Variants in HPCAL4 observed in about 807,000 individuals in gnomAD.
HPCAL4 encodes hippocalcin like 4.
Under a neutral mutation model 18.2 loss-of-function variants are expected in HPCAL4, and 16 were observed. The ratio of observed to expected loss-of-function variants is 0.88; its 90% CI spans 0.59 to 1.33. The LOEUF (loss-of-function observed/expected upper bound fraction) is 1.33. HPCAL4 is among the 40% of genes most tolerant of loss of function. The pLI is 0.00. For synonymous variants in HPCAL4, 80 were observed against 97.5 expected (o/e 0.82, Z 1.06); for missense variants, 214 against 256.6 (o/e 0.83, Z 1.14).
chr1:39,682,771 A>C (rs534898516), intron 3 of HPCAL4, 38 bp from the exon 4 acceptor site: 1 of 1,584,176 alleles, frequency 6.3e-7, no homozygotes, highest in South Asian at 1.1e-5. Flanking sequence ...GAACACCCAC[A>C]AGGGGCCCCG....
rs1159324943 is a variant in HPCAL4, at chr1:39,682,107, C to A, written c.*429G>T. The stretch of plus-strand genomic sequence containing the variant: ...TAGAGTAGAAGGGATGGGGAAGAGA[C>A]CCCCTTTATGGGATCTGGAGCCTCA... On this transcript the variant is annotated 3_prime_UTR_variant, in exon 4 of 4. Coordinates refer to ENST00000372844, the MANE Select transcript of HPCAL4 (RefSeq NM_016257.4). 2 of 194,636 alleles carry A rather than the reference C, an allele frequency of 1.0e-5. No homozygotes were observed. The highest frequency in any genetic ancestry group is 4.7e-5 in the African/African-American group (2 of 42,588). The allele number at this position is 194,636 out of a possible 1,614,324, so 12.1% of individuals were successfully genotyped here. A position where few individuals can be genotyped will look rare whatever the true frequency, so the allele number is the denominator to read the frequency against.
intron 1 of HPCAL4, among the ~76,000 whole-genome samples, chr1:39,686,601 G>A (rs1646677509): frequency 6.6e-6 from 1 of 152,218 alleles, no homozygotes; most frequent in African/African-American, 2.4e-5. Flanking sequence ...TTGAGCCTCA[G>A]TGGATAGAAG....
intron 3 of HPCAL4, among the ~76,000 whole-genome samples, chr1:39,683,541 C>T (rs908690593): frequency 6.6e-6 from 1 of 152,248 alleles, no homozygotes; most frequent in South Asian, 2.1e-4. Context: ...ATAGCACCTA[C>T]GGCCTGACCC....
chr1:39,690,538 G>C (rs1646709901), intron 1 of HPCAL4, among the ~76,000 whole-genome samples: 1 of 152,156 alleles, frequency 6.6e-6, no homozygotes, highest in South Asian at 2.1e-4. Flanking sequence ...TGTGAGGGGG[G>C]AGGGAGGAGG....
rs1196456016 is a variant in HPCAL4, at chr1:39,679,546, A to G, written c.*2990T>C. 1 of 152,242 alleles carries G rather than the reference A, an allele frequency of 6.6e-6. No individual in the cohort carries two copies. Among genetic ancestry groups the G allele is most frequent in the Non-Finnish European group, 1.5e-5 (1 of 68,044 alleles). 9.4% of individuals were successfully genotyped at this position (152,242 alleles called of 1,614,324 possible). On this transcript the variant is annotated 3_prime_UTR_variant, in exon 4 of 4. Transcript: ENST00000372844. ...GATTGGAATTTAAAGGAGAGTTTGA[A>G]TATATCAATGTTTTGATTGTCTGTA...
Position 39,679,751 on chromosome 1 carries a change from G to A in HPCAL4, c.*2785C>T, listed in dbSNP as rs1462242188. The A allele has an allele frequency of 6.6e-6, 1 of 152,218 alleles. No homozygotes were observed. The highest frequency in any genetic ancestry group is 1.9e-4 in the East Asian group (1 of 5,190). 9.4% of individuals were successfully genotyped at this position (152,218 alleles called of 1,614,324 possible). A position where few individuals can be genotyped will look rare whatever the true frequency, so the allele number is the denominator to read the frequency against. ...GACACCCAGGAGTATGCAGGAGCATGTCCTGGGCCACCTGTTGTTCCTTCC... is the reference window on the plus strand; with the variant it reads ...GACACCCAGGAGTATGCAGGAGCATATCCTGGGCCACCTGTTGTTCCTTCC... On this transcript the variant is annotated 3_prime_UTR_variant, in exon 4 of 4. Transcript: ENST00000372844.
intron 1 of HPCAL4, among the ~76,000 whole-genome samples, chr1:39,687,722 A>G (rs2124197509): frequency 6.6e-6 from 1 of 152,212 alleles, no homozygotes; most frequent in East Asian, 1.9e-4. Context: ...TGGGCAAGAT[A>G]AGGAAACCCT....
At chr1:39,683,900 T>C in intron 3 of HPCAL4, 37 bp downstream of exon 3, 1 of 1,579,318 alleles carries the variant, frequency 6.3e-7, no homozygotes. Context: ...GGCGAAGCGC[T>C]GGCCTCGGGA....
intron 1 of HPCAL4, 141 bp from the exon 2 acceptor site, chr1:39,684,752 C>T (rs912487466): frequency 3.1e-6 from 2 of 651,822 alleles, no homozygotes; most frequent in East Asian, 3.1e-5. Flanking sequence ...GGCCTCCTCT[C>T]CCCTCACAAC....
At position 39,682,198 on chromosome 1, in the gene HPCAL4, C is replaced by A; in HGVS notation, c.*338G>T. 3.2e-6 allele frequency: 1 copy of A among 310,144 alleles called. No individual in the cohort carries two copies. The allele number at this position is 310,144 out of a possible 1,614,324, so 19.2% of individuals were successfully genotyped here. On this transcript the variant is annotated 3_prime_UTR_variant, in exon 4 of 4. Coordinates refer to ENST00000372844, the MANE Select transcript of HPCAL4 (RefSeq NM_016257.4). ...GGACCACATCCTATAAAGCATAATCCCAGGATCAAGAGAATTCCTAACCAG... is the reference window on the plus strand; with the variant it reads ...GGACCACATCCTATAAAGCATAATCACAGGATCAAGAGAATTCCTAACCAG...
In HPCAL4 at chr1:39,679,274, T is replaced by C. The variant is rs2124178073; in HGVS notation, c.*3262A>G. ...ATTTCTACCTCTAGAGACTCTGCCA[T>C]TGTCAGGAAAGGATTTAGTGCCTTT... is the stretch of plus-strand genomic sequence containing the variant. On this transcript the variant is annotated 3_prime_UTR_variant, in exon 4 of 4. Coordinates refer to ENST00000372844, the MANE Select transcript of HPCAL4 (RefSeq NM_016257.4). 1 of 152,374 alleles carries C rather than the reference T, an allele frequency of 6.6e-6. No homozygotes were observed. The highest frequency in any genetic ancestry group is 1.5e-5 in the Non-Finnish European group (1 of 68,032). 9.4% of individuals were successfully genotyped at this position (152,374 alleles called of 1,614,324 possible). A position where few individuals can be genotyped will look rare whatever the true frequency, so the allele number is the denominator to read the frequency against.
In HPCAL4 at chr1:39,680,585, T is replaced by C. The variant is rs150554685; in HGVS notation, c.*1951A>G. 1 of 152,304 alleles carries C rather than the reference T, an allele frequency of 6.6e-6. No individual in the cohort carries two copies. Among genetic ancestry groups the C allele is most frequent in the East Asian group, 1.9e-4 (1 of 5,182 alleles). 9.4% of individuals were successfully genotyped at this position (152,304 alleles called of 1,614,324 possible). A position where few individuals can be genotyped will look rare whatever the true frequency, so the allele number is the denominator to read the frequency against. ...CAAGACATACCTAATAGCCAGTTCC[T>C]GGGAGCAATGCAACATCCTTGAGGC... On this transcript the variant is annotated 3_prime_UTR_variant, in exon 4 of 4. Coordinates refer to ENST00000372844, the MANE Select transcript of HPCAL4 (RefSeq NM_016257.4).
At chr1:39,685,879 CAAA>C (rs34605605) in intron 1 of HPCAL4, among the ~76,000 whole-genome samples, 44,438 of 136,456 alleles carry the variant, frequency 0.33, 7,190 homozygotes, top group African/African-American at 0.46. Context: ...GACTCCACCT[CAAA>C]AAAAAAAAAA....
intron 2 of HPCAL4, 75 bp from the exon 3 acceptor site, chr1:39,684,227 G>GCACCCCAGGTGCCTCGCCTCCTCC (rs1646653588): frequency 3.7e-6 from 4 of 1,092,288 alleles, no homozygotes; most frequent in African/African-American, 3.4e-5. Flanking sequence ...AACCTCCCCT[G>GCACCCCAGGTGCCTCGCCTCCTCC]CACCCCGGGT....
chr1:39,688,692 G>A (rs1033414792), intron 1 of HPCAL4, among the ~76,000 whole-genome samples: 5 of 152,054 alleles, frequency 3.3e-5, no homozygotes, highest in African/African-American at 4.8e-5. Flanking sequence ...CACCTATCTC[G>A]CCTCAGCTCT....
intron 1 of HPCAL4, among the ~76,000 whole-genome samples, chr1:39,687,076 T>C (rs1646681389): frequency 6.6e-6 from 1 of 152,152 alleles, no homozygotes; most frequent in African/African-American, 2.4e-5. Context: ...TTACAGATCC[T>C]CTCTGGGCCT....
At position 39,681,625 on chromosome 1, in the gene HPCAL4, C is replaced by T. The variant is rs925513724; in HGVS notation, c.*911G>A. 1 of 152,040 alleles carries T rather than the reference C, an allele frequency of 6.6e-6. No individual in the cohort carries two copies. The highest frequency in any genetic ancestry group is 1.5e-5 in the Non-Finnish European group (1 of 68,002). The allele number at this position is 152,040 out of a possible 1,614,324, so 9.4% of individuals were successfully genotyped here. A position where few individuals can be genotyped will look rare whatever the true frequency, so the allele number is the denominator to read the frequency against. On this transcript the variant is annotated 3_prime_UTR_variant, in exon 4 of 4. Transcript: ENST00000372844. ...TTCTCCCTTTCTTCTCAGGTTTTTTCCCCTTGAAAATTAATATTTTCTCTA... is the reference window on the plus strand; with the variant it reads ...TTCTCCCTTTCTTCTCAGGTTTTTTTCCCTTGAAAATTAATATTTTCTCTA...
chr1:39,685,730 A>G (rs1392092730), intron 1 of HPCAL4, among the ~76,000 whole-genome samples: 1 of 151,370 alleles, frequency 6.6e-6, no homozygotes, highest in Non-Finnish European at 1.5e-5. Context: ...ATACAAAAAA[A>G]TTAGCTGGGC....
In HPCAL4 at chr1:39,682,452, C is replaced by T; in HGVS notation, c.*84G>A. 7.3e-7 allele frequency: 1 copy of T among 1,367,850 alleles called. No homozygotes were observed. The highest frequency in any genetic ancestry group is 2.3e-5 in the East Asian group (1 of 43,290). 84.7% of individuals were successfully genotyped at this position (1,367,850 alleles called of 1,614,324 possible). A position where few individuals can be genotyped will look rare whatever the true frequency, so the allele number is the denominator to read the frequency against. On this transcript the variant is annotated 3_prime_UTR_variant, in exon 4 of 4. Transcript: ENST00000372844. ...AGAGAGGGGGGCTGGAGTGTCCCTC[C>T]TCCTGGGAGGCCAGCCAGAGAGGTC...
Sources: gnomAD v4.1 joint callset for allele counts (sites outside exome capture counted in the v4.1 genomes callset) on GRCh38, gnomAD v4.1.1 for gene constraint, MANE v1.5 for transcripts, NCBI Gene and HGNC (gene_info 2026-07-23, HGNC 2026-07-21) for gene names.